The following DENND1B variants were observed in gnomAD, a reference collection of about 807,000 sequenced individuals.
DENND1B encodes DENN domain-containing protein 1B.
In DENND1B, 59 loss-of-function variants were observed where a neutral mutation model predicts 90.1. That is an observed-to-expected ratio of 0.65 (90% CI 0.53 to 0.81). The LOEUF (loss-of-function observed/expected upper bound fraction) is 0.81. Among genes scored for constraint, DENND1B ranks in the 40% least tolerant of loss-of-function variants. DENND1B has a pLI of 0.00. For missense variants in DENND1B, 862 were observed against 912.6 expected (o/e 0.94, Z 0.71); for synonymous variants, 337 against 324.6 (o/e 1.04, Z -0.41).
intron 16 of DENND1B, among the ~76,000 whole-genome samples, chr1:197,546,985 A>G (rs1670857505): frequency 6.6e-6 from 1 of 152,246 alleles, no homozygotes; most frequent in Non-Finnish European, 1.5e-5. Context: ...AAGGTAAAAA[A>G]AGAAATACAT....
intron 3 of DENND1B, among the ~76,000 whole-genome samples, chr1:197,695,761 T>C (rs892860271): frequency 2.0e-5 from 3 of 151,148 alleles, no homozygotes; most frequent in Admixed American, 6.6e-5. Context: ...AAATATCCAA[T>C]TTTTAGAAAT....
rs759108636 is a variant in DENND1B at position 197,758,960 on chromosome 1, A to ATTTTTTTTTTTTT, written c.82+13895_82+13907dup. Among the ~76,000 whole-genome samples, 77 of 97,830 alleles carry ATTTTTTTTTTTTT rather than the reference A, an allele frequency of 7.9e-4. 3 individuals are homozygous for ATTTTTTTTTTTTT. The highest frequency in any genetic ancestry group is 2.7e-3 in the African/African-American group (74 of 27,288). 64.2% of individuals were successfully genotyped at this position (97,830 alleles called of 152,430 possible). A position where few individuals can be genotyped will look rare whatever the true frequency, so the allele number is the denominator to read the frequency against. On this transcript the variant is annotated intron_variant, in intron 2 of 22. Coordinates refer to ENST00000620048, the MANE Select transcript of DENND1B (RefSeq NM_001195215.2). The stretch of plus-strand genomic sequence containing the variant: ...TCCCAAAGAATAGAGTACTTCATTA[A>ATTTTTTTTTTTTT]TTTTTTTTTTTTTTTTTTTTTTTTT...
chr1:197,714,007 T>G (rs2181856), intron 3 of DENND1B, among the ~76,000 whole-genome samples: 69,872 of 110,068 alleles, frequency 0.63, 18,894 homozygotes, highest in East Asian at 0.68. Context: ...TTTTTTTTTT[T>G]GGGACGGAGT....
At position 197,511,922 on chromosome 1, in the gene DENND1B, C is replaced by T; in HGVS notation, c.1621G>A (p.Glu541Lys). Residue 541 changes from glutamate (E) to lysine (K), a missense_variant, in exon 22 of 23, where the codon GAA becomes AAA. Glu to Lys is a moderately conservative substitution (Grantham distance 56). Coordinates refer to ENST00000620048, the MANE Select transcript of DENND1B (RefSeq NM_001195215.2). ...CTCTCATAGAGATAAGCAGAAGCTT[C>T]TTCACCATCTTCAGAAGATAACCTG... ...ASKLSSEDGE[E>K]ASAYLYESDD... The T allele has an allele frequency of 6.2e-7, 1 of 1,605,464 alleles. No individual in the cohort carries two copies. The highest frequency in any genetic ancestry group is 8.5e-7 in the Non-Finnish European group (1 of 1,175,414).
chr1:197,753,602 G>A (rs1376657042), intron 2 of DENND1B, among the ~76,000 whole-genome samples: 7 of 152,070 alleles, frequency 4.6e-5, no homozygotes, highest in Non-Finnish European at 1.0e-4. Flanking sequence ...TACCACTCTG[G>A]TGGGGGATGT....
intron 20 of DENND1B, among the ~76,000 whole-genome samples, chr1:197,520,361 T>G (rs1668687363): frequency 6.6e-6 from 1 of 152,038 alleles, no homozygotes; most frequent in South Asian, 2.1e-4. Context: ...ATAAAAACTT[T>G]ATTCCTCATT....
intron 15 of DENND1B, among the ~76,000 whole-genome samples, chr1:197,561,245 C>G (rs1420266671): frequency 1.3e-5 from 2 of 151,926 alleles, no homozygotes; most frequent in African/African-American, 4.8e-5. Context: ...CTCACCACGT[C>G]AGCAAAATTG....
At chr1:197,614,320 A>G (rs1677448407) in intron 11 of DENND1B, among the ~76,000 whole-genome samples, 1 of 151,082 alleles carries the variant, frequency 6.6e-6, no homozygotes, top group Admixed American at 6.6e-5. Context: ...TAACCTAGAG[A>G]CTAATTTCCT....
In DENND1B at chr1:197,731,417, T is replaced by C. The variant is rs1662132700; in HGVS notation, c.83-16343A>G. 2.6e-5 allele frequency among the ~76,000 whole-genome samples: 4 copies of C among 151,930 alleles called. No homozygotes were observed. In the South Asian group the frequency reaches 8.3e-4, roughly 32 times the overall value. ...CAATTAATTCCCATTTAGGTTGTCC[T>C]AAAAAAAAGTAGTAAGGAAGTAAAA... is the stretch of plus-strand genomic sequence containing the variant. On this transcript the variant is annotated intron_variant, in intron 2 of 22. Transcript: ENST00000620048.
chr1:197,762,204 T>C (rs1312439498), intron 2 of DENND1B, among the ~76,000 whole-genome samples: 1 of 151,528 alleles, frequency 6.6e-6, no homozygotes, highest in African/African-American at 2.4e-5. Flanking sequence ...ATCAGGACAA[T>C]AAAGACCTAG....
At chr1:197,689,338 T>C (rs532384692) in intron 3 of DENND1B, 1 of 152,180 alleles carries the variant, frequency 6.6e-6, no homozygotes, top group South Asian at 2.1e-4. Context: ...GAACACAGTA[T>C]GGGGGAGACT....
chr1:197,655,595 G>C (rs1413381412), intron 6 of DENND1B, among the ~76,000 whole-genome samples: 1 of 151,518 alleles, frequency 6.6e-6, no homozygotes, highest in Non-Finnish European at 1.5e-5. Context: ...GCGCTGGCGC[G>C]ATCTGCGCTC....
rs117053909 is a variant in DENND1B at position 197,729,035 on chromosome 1, C to T, written c.83-13961G>A. ...TTTACTTATACTCCAACACATGCTG[C>T]ACCCCCTTCTGAAATCCTATGTTCA... On this transcript the variant is annotated intron_variant, in intron 2 of 22. Transcript: ENST00000620048. 6.8e-4 allele frequency among the ~76,000 whole-genome samples: 103 copies of T among 152,196 alleles called. No individual in the cohort carries two copies. The East Asian group carries it at 0.02, about 29-fold the overall frequency.
chr1:197,683,873 T>A (rs973702891), intron 3 of DENND1B, among the ~76,000 whole-genome samples: 1 of 152,186 alleles, frequency 6.6e-6, no homozygotes, highest in Admixed American at 6.5e-5. Flanking sequence ...AGCAACCAGA[T>A]CAATGGAGTT....
chr1:197,525,115 CAGG>C (rs1405927836), intron 20 of DENND1B, among the ~76,000 whole-genome samples: 12 of 152,132 alleles, frequency 7.9e-5, no homozygotes, highest in African/African-American at 2.9e-4. Flanking sequence ...CTTGTATTCA[CAGG>C]AGGTCTCATT....
intron 13 of DENND1B, chr1:197,605,778 G>GT (rs1262222371): frequency 1.3e-5 from 2 of 151,166 alleles, no homozygotes; most frequent in Non-Finnish European, 3.0e-5. Context: ...TTTTACTACA[G>GT]TAAGATAAGG....
At chr1:197,722,025 C>T (rs937012166) in intron 2 of DENND1B, among the ~76,000 whole-genome samples, 7 of 152,068 alleles carry the variant, frequency 4.6e-5, no homozygotes, top group African/African-American at 1.4e-4. Context: ...CATATCTAAA[C>T]AAGATAGATG....
intron 7 of DENND1B, among the ~76,000 whole-genome samples, chr1:197,648,004 T>C (rs2125927726): frequency 6.6e-6 from 1 of 151,220 alleles, no homozygotes; most frequent in East Asian, 1.9e-4. Flanking sequence ...GACTTGAAAC[T>C]ATAAGACTAT....
At chr1:197,606,060 C>T (rs1244954983) in intron 13 of DENND1B, 1 of 150,562 alleles carries the variant, frequency 6.6e-6, no homozygotes, top group Non-Finnish European at 1.5e-5. Flanking sequence ...AGAATAAATG[C>T]TTTGTTTTTT....
Sources: gnomAD v4.1 joint callset for allele counts (sites outside exome capture counted in the v4.1 genomes callset) on GRCh38, gnomAD v4.1.1 for gene constraint, MANE v1.5 for transcripts, NCBI Gene and HGNC (gene_info 2026-07-23, HGNC 2026-07-21) for gene names.